Variants in FBXO40 observed in about 807,000 individuals in gnomAD.
The protein encoded by FBXO40 is F-box only protein 40.
A neutral mutation model predicts 49.9 loss-of-function variants in FBXO40; 50 were observed. The observed-to-expected ratio is 1.00, with a 90% CI of 0.80 to 1.27. The LOEUF is 1.27. Among genes scored for constraint, FBXO40 ranks in the 50% most tolerant of loss-of-function variants. The probability of loss-of-function intolerance (pLI) is 0.00; values close to 1 mark genes in which losing one functional copy is unlikely to be tolerated. For synonymous variants in FBXO40, 340 were observed against 320.2 expected (o/e 1.06, Z -0.66); for missense variants, 895 against 870.1 (o/e 1.03, Z -0.36).
At chr3:121,598,710 C>A (rs2048885583) in intron 1 of FBXO40, among the ~76,000 whole-genome samples, 1 of 152,182 alleles carries the variant, frequency 6.6e-6, no homozygotes, top group Non-Finnish European at 1.5e-5. Context: ...AATTTGCCCA[C>A]TCCTTTTCCA....
chr3:121,613,219 C>G (rs1396732113), intron 1 of FBXO40, among the ~76,000 whole-genome samples: 1 of 152,092 alleles, frequency 6.6e-6, no homozygotes, highest in Non-Finnish European at 1.5e-5. Flanking sequence ...ACTCCTTGTC[C>G]GCAAGATTGT....
chr3:121,601,752 CT>C lies in FBXO40; in HGVS notation c.-31+8256del, dbSNP rs1035497865. On this transcript the variant is annotated intron_variant, in intron 1 of 3. Transcript: ENST00000338040. Reference sequence around the variant, plus strand: ...AGTTAGACTTTCCTGGAGCTGGTAGCTTTTTTCACAGAGCATTATTCCATTT... The same window carrying C: ...AGTTAGACTTTCCTGGAGCTGGTAGCTTTTTCACAGAGCATTATTCCATTT... Among the ~76,000 whole-genome samples the C allele has an allele frequency of 2.6e-5, 4 of 152,182 alleles. No individual in the cohort carries two copies. The East Asian group carries it at 5.8e-4, about 22-fold the overall frequency.
Position 121,607,300 on chromosome 3 carries a change from C to CTTTTT in FBXO40, c.-30-13225_-30-13221dup, listed in dbSNP as rs555162944. Reference sequence around the variant, plus strand: ...AAAAAATTGAGAGACCTCTAAAGCTCTTTTTTTTTTTTTTTTTTTTTTTTT... The same window carrying CTTTTT: ...AAAAAATTGAGAGACCTCTAAAGCTCTTTTTTTTTTTTTTTTTTTTTTTTTTTTTT... On this transcript the variant is annotated intron_variant, in intron 1 of 3. Coordinates refer to ENST00000338040, the MANE Select transcript of FBXO40 (RefSeq NM_016298.4). Among the ~76,000 whole-genome samples the CTTTTT allele has an allele frequency of 4.1e-3, 248 of 60,136 alleles. 12 individuals are homozygous for CTTTTT. The highest frequency in any genetic ancestry group is 0.026 in the Middle Eastern group (1 of 38). 39.5% of individuals were successfully genotyped at this position (60,136 alleles called of 152,430 possible).
chr3:121,602,219 C>A lies in FBXO40; in HGVS notation c.-31+8717C>A, dbSNP rs534124317. On this transcript the variant is annotated intron_variant, in intron 1 of 3. Transcript: ENST00000338040. ...CAAAGCCATCATACTTGGCTATGTACTTCATGGCTCCAATTTCTATTCTGT... is the reference window on the plus strand; with the variant it reads ...CAAAGCCATCATACTTGGCTATGTAATTCATGGCTCCAATTTCTATTCTGT... 2.6e-5 allele frequency among the ~76,000 whole-genome samples: 4 copies of A among 152,294 alleles called. No individual in the cohort carries two copies. The East Asian group carries it at 7.7e-4, about 29-fold the overall frequency.
At position 121,622,274 on chromosome 3, in the gene FBXO40, T is replaced by A; in HGVS notation, c.845T>A (p.Met282Lys). Residue 282 changes from methionine (M) to lysine (K), a missense_variant, in exon 3 of 4, where the codon ATG becomes AAG. Coordinates refer to ENST00000338040, the MANE Select transcript of FBXO40 (RefSeq NM_016298.4). ...AAGCAGCAGGACGTTCGTACAGCCA[T>A]GGAAACCACAGGGCTTGCCCCTTGG... Reference protein sequence around the residue: ...NQKQQDVRTAMETTGLAPWQD... With the variant: ...NQKQQDVRTAKETTGLAPWQD... 1 of 1,614,184 alleles carries A rather than the reference T, an allele frequency of 6.2e-7. No individual in the cohort carries two copies. The highest frequency in any genetic ancestry group is 8.5e-7 in the Non-Finnish European group (1 of 1,180,038).
Position 121,627,512 on chromosome 3 carries a change from A to G in FBXO40, c.*602A>G. The G allele has an allele frequency of 4.8e-6, 1 of 207,508 alleles. No individual in the cohort carries two copies. The highest frequency in any genetic ancestry group is 9.5e-6 in the Non-Finnish European group (1 of 105,038). The allele number at this position is 207,508 out of a possible 1,614,324, so 12.9% of individuals were successfully genotyped here. A position where few individuals can be genotyped will look rare whatever the true frequency, so the allele number is the denominator to read the frequency against. ...CCCTGGCTGAGCATGGCAGCCTTGA[A>G]GACACCACAGGCCAAAACATGAGGG... On this transcript the variant is annotated 3_prime_UTR_variant, in exon 4 of 4. Coordinates refer to ENST00000338040, the MANE Select transcript of FBXO40 (RefSeq NM_016298.4).
At chr3:121,611,645 C>T (rs1354311679) in intron 1 of FBXO40, among the ~76,000 whole-genome samples, 1 of 152,164 alleles carries the variant, frequency 6.6e-6, no homozygotes, top group Admixed American at 6.5e-5. Flanking sequence ...CTGCAAGGGG[C>T]TTTCCTCTTT....
chr3:121,619,844 A>G (rs979223949), intron 1 of FBXO40, among the ~76,000 whole-genome samples: 1 of 152,178 alleles, frequency 6.6e-6, no homozygotes, highest in African/African-American at 2.4e-5. Flanking sequence ...CACAGCTCAC[A>G]AAAGTCCGCA....
At chr3:121,600,194 ATTT>A (rs71133558) in intron 1 of FBXO40, among the ~76,000 whole-genome samples, 7 of 88,388 alleles carry the variant, frequency 7.9e-5, no homozygotes, top group Admixed American at 1.5e-4. Context: ...CACTTGGCTG[ATTT>A]TTTTTTTTTT....
intron 1 of FBXO40, among the ~76,000 whole-genome samples, chr3:121,607,379 G>A (rs1271792287): frequency 3.9e-5 from 5 of 128,414 alleles, no homozygotes; most frequent in Middle Eastern, 0.012. Flanking sequence ...GCACGATCTC[G>A]GCTCACTGCA....
rs371738482 is a variant in FBXO40, at chr3:121,621,943, G to A, written c.514G>A (p.Ala172Thr). The change falls in exon 3 of 4, where the codon GCA (alanine) becomes ACA (threonine). Residue 172 changes from alanine (A) to threonine (T), a missense_variant. Physicochemically the swap from Ala to Thr is moderately conservative, Grantham distance 58. Coordinates refer to ENST00000338040, the MANE Select transcript of FBXO40 (RefSeq NM_016298.4). ...AACCAGTGTGGAGGAAATGGGAGGAGCAGTGGGTGGAGTGGATATCGGTTT... is the reference window on the plus strand; with the variant it reads ...AACCAGTGTGGAGGAAATGGGAGGAACAGTGGGTGGAGTGGATATCGGTTT... ...GETSVEEMGG[A>T]VGGVDIGLVP... The A allele has an allele frequency of 8.6e-5, 139 of 1,614,124 alleles. No homozygotes were observed. The highest frequency in any genetic ancestry group is 1.1e-4 in the Non-Finnish European group (135 of 1,180,064).
chr3:121,622,511 C>T lies in FBXO40; in HGVS notation c.1082C>T (p.Ala361Val), dbSNP rs1267250122. ...CCTGTGAGCTACTGTGGAAAGCGAG[C>T]TCGACTTGGAGATGCCATGTTGAGT... ...KVPVSYCGKR[A>V]RLGDAMLSCK... The change falls in exon 3 of 4, where the codon GCT (alanine) becomes GTT (valine). Residue 361 changes from alanine to valine, a missense_variant. Transcript: ENST00000338040. 6.2e-7 allele frequency: 1 copy of T among 1,614,180 alleles called. No individual in the cohort carries two copies. Among genetic ancestry groups the T allele is most frequent in the Admixed American group, 1.7e-5 (1 of 60,022 alleles).
At chr3:121,620,426 C>T (rs904778825) in intron 1 of FBXO40, 120 bp from the exon 2 acceptor site, 3 of 833,374 alleles carry the variant, frequency 3.6e-6, no homozygotes, top group Non-Finnish European at 5.6e-6. Context: ...GAGATAAAGA[C>T]ACCTCCAGGA....
intron 1 of FBXO40, among the ~76,000 whole-genome samples, chr3:121,610,501 C>A (rs896756556): frequency 6.6e-6 from 1 of 152,126 alleles, no homozygotes; most frequent in African/African-American, 2.4e-5. Context: ...GCCCTTGGAA[C>A]AAGGTTGGGT....
intron 1 of FBXO40, among the ~76,000 whole-genome samples, chr3:121,602,369 A>G (rs1447113869): frequency 1.3e-5 from 2 of 152,160 alleles, no homozygotes; most frequent in East Asian, 3.8e-4. Context: ...AGCAACTTGT[A>G]TTAAACTTTC....
rs544906095 is a variant in FBXO40, at chr3:121,611,776, G to T, written c.-30-8770G>T. 8.9e-4 allele frequency among the ~76,000 whole-genome samples: 136 copies of T among 152,346 alleles called. 2 individuals carry two copies. The highest frequency in any genetic ancestry group is 1.4e-3 in the Non-Finnish European group (95 of 68,030). On this transcript the variant is annotated intron_variant, in intron 1 of 3. Transcript: ENST00000338040. ...CAATACCCCGCTTTCAAGGGCAGAG[G>T]TCCCTGCGGCTTTCCGCAGTGCATC... is the stretch of plus-strand genomic sequence containing the variant.
chr3:121,612,931 A>C (rs993805408), intron 1 of FBXO40, among the ~76,000 whole-genome samples: 4 of 151,970 alleles, frequency 2.6e-5, no homozygotes, highest in African/African-American at 9.7e-5. Context: ...TTAGCCAGGC[A>C]TGGTGGCGGG....
intron 1 of FBXO40, among the ~76,000 whole-genome samples, chr3:121,609,023 C>T (rs554585508): frequency 6.6e-6 from 1 of 152,238 alleles, no homozygotes; most frequent in South Asian, 2.1e-4. Context: ...CACATACAGA[C>T]TTGAAATGTT....
intron 1 of FBXO40, among the ~76,000 whole-genome samples, chr3:121,616,795 G>GA (rs2049000026): frequency 6.6e-6 from 1 of 152,162 alleles, no homozygotes; most frequent in Non-Finnish European, 1.5e-5. Flanking sequence ...TCCTGAAAAA[G>GA]AAAATGTGGG....
Sources: gnomAD v4.1 joint callset for allele counts (sites outside exome capture counted in the v4.1 genomes callset) on GRCh38, gnomAD v4.1.1 for gene constraint, MANE v1.5 for transcripts, NCBI Gene and HGNC (gene_info 2026-07-23, HGNC 2026-07-21) for gene names.